The following TPCN2 variants were observed in gnomAD, a reference collection of about 807,000 sequenced individuals.
The protein encoded by TPCN2 is two pore segment channel 2, also known as two pore channel protein 2.
A neutral mutation model predicts 111.4 loss-of-function variants in TPCN2; 92 were observed. That is an observed-to-expected ratio of 0.83 (90% CI 0.70 to 0.98). The LOEUF (loss-of-function observed/expected upper bound fraction) is 0.98, where lower values mean the gene tolerates loss of function less well. TPCN2 is among the 50% of genes least tolerant of loss of function. TPCN2 has a pLI of 0.00. For synonymous variants in TPCN2, 405 were observed against 414.5 expected (o/e 0.98, Z 0.28); for missense variants, 995 against 980.1 (o/e 1.02, Z -0.20).
chr11:69,063,915 T>C lies in TPCN2; in HGVS notation c.674T>C (p.Ile225Thr), dbSNP rs1419024565. The change falls in exon 7 of 25, where the codon ATC (isoleucine) becomes ACC (threonine). Residue 225 changes from isoleucine to threonine, a missense_variant. Coordinates refer to ENST00000294309, the MANE Select transcript of TPCN2 (RefSeq NM_139075.4). ...EMASVGLLLA[I>T]HLCLFTMFGM... ...CCCAGCGTCGGGCTGCTGCTGGCCA[T>C]CCACCTGTGCCTCTTCACCATGTTC... 9.3e-6 allele frequency: 15 copies of C among 1,614,038 alleles called. No homozygotes were observed. The highest frequency in any genetic ancestry group is 1.1e-5 in the Non-Finnish European group (13 of 1,179,982).
chr11:69,064,769 C>T (rs189306617), intron 7 of TPCN2, among the ~76,000 whole-genome samples: 221 of 152,296 alleles, frequency 1.5e-3, no homozygotes, highest in Non-Finnish European at 2.9e-3. Context: ...TCACCCAGGG[C>T]GGAAGCGGTC....
intron 13 of TPCN2, among the ~76,000 whole-genome samples, chr11:69,078,178 T>G (rs1308854980): frequency 2.6e-5 from 4 of 151,412 alleles, no homozygotes; most frequent in African/African-American, 9.7e-5. Context: ...TTTTTATATA[T>G]ATCAGGGTGA....
chr11:69,087,784 T>G (rs1036088520), intron 24 of TPCN2, 91 bp from the exon 25 acceptor site: 1 of 988,582 alleles, frequency 1.0e-6, no homozygotes, highest in African/African-American at 1.6e-5. Flanking sequence ...ACTTCGCATG[T>G]GTTGCTAAGC....
intron 18 of TPCN2, among the ~76,000 whole-genome samples, chr11:69,082,804 T>G (rs7104056): frequency 0.58 from 10,585 of 18,324 alleles, 3,815 homozygotes; most frequent in Middle Eastern, 1. Context: ...CTCGTGCCCG[T>G]GTAAGACGCA....
chr11:69,069,238 G>C (rs61881023), intron 8 of TPCN2, among the ~76,000 whole-genome samples: 24 of 27,188 alleles, frequency 8.8e-4, no homozygotes, highest in African/African-American at 9.1e-4. Flanking sequence ...AGTGACCGCA[G>C]TGGGAGCAGG....
At position 69,071,966 on chromosome 11, in the gene TPCN2, G is replaced by A; in HGVS notation, c.1004G>A (p.Arg335Gln). 1 of 1,614,028 alleles carries A rather than the reference G, an allele frequency of 6.2e-7. No individual in the cohort carries two copies. Among genetic ancestry groups the A allele is most frequent in the Non-Finnish European group, 8.5e-7 (1 of 1,179,986 alleles). The change falls in exon 11 of 25, where the codon CGG becomes CAG. Residue 335 changes from arginine (R) to glutamine (Q), a missense_variant. Transcript: ENST00000294309. Reference sequence around the variant, plus strand: ...CTGTTTCGGAGGCGGCTGGGAACCCGGGCTGCCTTTGAAGTCCTATCCTCC... The same window carrying A: ...CTGTTTCGGAGGCGGCTGGGAACCCAGGCTGCCTTTGAAGTCCTATCCTCC... ...TSLFRRRLGT[R>Q]AAFEVLSSMV... is the part of the protein sequence containing the mutation.
At chr11:69,081,373 C>T (rs771773377) in intron 17 of TPCN2, 27 bp from the exon 18 acceptor site, 36 of 1,511,062 alleles carry the variant, frequency 2.4e-5, no homozygotes, top group Non-Finnish European at 2.9e-5. Flanking sequence ...GGGCTCCTCC[C>T]AACCCGCCTC....
chr11:69,078,727 G>T lies in TPCN2; in HGVS notation c.1351-7G>T. The T allele has an allele frequency of 6.2e-7, 1 of 1,613,896 alleles. No individual in the cohort carries two copies. Among genetic ancestry groups the T allele is most frequent in the Non-Finnish European group, 8.5e-7 (1 of 1,180,042 alleles). ...CAGCCGGCGAGCCCTCTGTTCTGGC[G>T]TTGCAGGTGTTCCTGGTGCTGGATG... On this transcript the variant is annotated splice_polypyrimidine_tract_variant and splice_region_variant and intron_variant, in intron 14 of 24. Transcript: ENST00000294309.
intron 9 of TPCN2, 41 bp downstream of exon 9, chr11:69,070,536 C>T (rs917983701): frequency 6.6e-7 from 1 of 1,508,508 alleles, no homozygotes; most frequent in Non-Finnish European, 9.0e-7. Context: ...TGACAGGATC[C>T]CGAGAGCTCA....
chr11:69,076,120 G>C (rs970710616), intron 13 of TPCN2, among the ~76,000 whole-genome samples: 1 of 152,206 alleles, frequency 6.6e-6, no homozygotes, highest in Admixed American at 6.5e-5. Context: ...TCCTTGGGCT[G>C]AGGGGAGTGC....
intron 1 of TPCN2, among the ~76,000 whole-genome samples, chr11:69,049,412 C>T (rs1292255218): frequency 2.6e-5 from 4 of 152,232 alleles, no homozygotes; most frequent in Non-Finnish European, 5.9e-5. Flanking sequence ...CGGCCACCTG[C>T]GGCAGGCACC....
At chr11:69,082,507 A>T (rs1402290610) in intron 18 of TPCN2, among the ~76,000 whole-genome samples, 3 of 152,262 alleles carry the variant, frequency 2.0e-5, no homozygotes, top group Non-Finnish European at 4.4e-5. Context: ...AAGACGCATG[A>T]TCGTGTGTGC....
At position 69,089,448 on chromosome 11, in the gene TPCN2, C is replaced by T. The variant is rs1005858; in HGVS notation, c.*1495C>T. 57,867 of 152,080 alleles carry T rather than the reference C, an allele frequency of 0.38. 12,592 individuals carry two copies. Among genetic ancestry groups the T allele is most frequent in the Non-Finnish European group, 0.5 (34,088 of 67,980 alleles). 9.4% of individuals were successfully genotyped at this position (152,080 alleles called of 1,614,324 possible). On this transcript the variant is annotated 3_prime_UTR_variant, in exon 25 of 25. Transcript: ENST00000294309. ...GCTTTGTGGTCATGGCGACTTAATC[C>T]GCCTGGACGGTGGCTCCGTCTCCCT...
intron 16 of TPCN2, chr11:69,079,503 A>C: frequency 3.3e-6 from 1 of 305,548 alleles, no homozygotes. Context: ...CATGAGAGTG[A>C]CGTTTGCTGT....
intron 13 of TPCN2, among the ~76,000 whole-genome samples, chr11:69,076,671 TCCTGCCGTGTCCCTCCA>T (rs1565091237): frequency 4.1e-4 from 35 of 85,962 alleles, no homozygotes; most frequent in African/African-American, 1.6e-3. Flanking sequence ...CCACCTGCCC[TCCTGCCGTGTCCCTCCA>T]CCTGCCCTCC....
In TPCN2 at chr11:69,078,595, C is replaced by T. The variant is rs548084823; in HGVS notation, c.1344C>T (p.Ser448=). 1.1e-5 allele frequency: 17 copies of T among 1,614,002 alleles called. No individual in the cohort carries two copies. In the African/African-American group the frequency reaches 2.0e-4, roughly 19 times the overall value. The part of the protein sequence containing the change: ...GNLIALANLV[S]ICVFLVLDAD... ...TCATCGCCCTGGCAAACCTGGTGTC[C>T]ATTTGCGTGAGTGTGGATTTGCCCC... Residue 448 remains serine (S), a synonymous_variant, in exon 14 of 25, where the codon TCC becomes TCT. Coordinates refer to ENST00000294309, the MANE Select transcript of TPCN2 (RefSeq NM_139075.4).
intron 1 of TPCN2, 66 bp from the exon 2 acceptor site, chr11:69,053,967 G>A (rs1316218950): frequency 9.5e-6 from 13 of 1,371,358 alleles, no homozygotes; most frequent in Admixed American, 6.9e-5. Flanking sequence ...CCTTGATCAC[G>A]GGTATCCTGG....
At chr11:69,085,553 T>C in intron 20 of TPCN2, 118 bp from the exon 21 acceptor site, 1 of 777,708 alleles carries the variant, frequency 1.3e-6, no homozygotes, top group Non-Finnish European at 2.2e-6. Flanking sequence ...TGAGCCTCTG[T>C]ATCCCAATTT....
intron 20 of TPCN2, 29 bp from the exon 21 acceptor site, chr11:69,085,642 C>G (rs772152568): frequency 8.1e-6 from 12 of 1,479,662 alleles, no homozygotes; most frequent in Non-Finnish European, 1.1e-5. Context: ...GAGCCCCCGC[C>G]CCTGACCCAG....
Sources: gnomAD v4.1 joint callset for allele counts (sites outside exome capture counted in the v4.1 genomes callset) on GRCh38, gnomAD v4.1.1 for gene constraint, MANE v1.5 for transcripts, NCBI Gene and HGNC (gene_info 2026-07-23, HGNC 2026-07-21) for gene names.